Variants in EYS observed in about 807,000 individuals in gnomAD.
EYS encodes protein eyes shut homolog.
Under a neutral mutation model 282.1 loss-of-function variants are expected in EYS, and 250 were observed. The ratio of observed to expected loss-of-function variants is 0.89; its 90% CI spans 0.80 to 0.98. The LOEUF (loss-of-function observed/expected upper bound fraction) is 0.98. EYS is among the 50% of genes least tolerant of loss of function. The probability of loss-of-function intolerance (pLI) is 0.00; values close to 1 mark genes in which losing one functional copy is unlikely to be tolerated. For missense variants in EYS, 4,016 were observed against 3,709.0 expected, an observed-to-expected ratio of 1.08 and a Z score of -2.15; for synonymous variants, 1,355 against 1,282.9, an observed-to-expected ratio of 1.06 and a Z score of -1.20.
chr6:64,024,050 T>A (rs965144473), intron 33 of EYS, among the ~76,000 whole-genome samples: 1 of 152,120 alleles, frequency 6.6e-6, no homozygotes, highest in Non-Finnish European at 1.5e-5. Context: ...TGCCCGAGCC[T>A]CCCCGATGAG....
rs113663846 is a variant in EYS at position 64,743,472 on chromosome 6, A to AT, written c.3443+69905dup. Among the ~76,000 whole-genome samples the AT allele has an allele frequency of 2.6e-5, 4 of 152,030 alleles. No individual in the cohort carries two copies. The East Asian group carries it at 5.8e-4, about 22-fold the overall frequency. On this transcript the variant is annotated intron_variant, in intron 22 of 42. Coordinates refer to ENST00000503581, the MANE Select transcript of EYS (RefSeq NM_001142800.2). ...AATAATGATTTACTGTCAATTTTCA[A>AT]TTTTTTTTCTAATGGTAAAGAGCAT...
intron 2 of EYS, among the ~76,000 whole-genome samples, chr6:65,617,430 T>C (rs1213975038): frequency 6.6e-6 from 1 of 152,164 alleles, no homozygotes; most frequent in Non-Finnish European, 1.5e-5. Context: ...TGTTTAATGA[T>C]ACCTGAATTA....
chr6:64,325,214 A>C (rs1445927822), intron 29 of EYS, among the ~76,000 whole-genome samples: 1 of 152,202 alleles, frequency 6.6e-6, no homozygotes, highest in East Asian at 1.9e-4. Flanking sequence ...GCTGGTATCC[A>C]CAGCTGAGAG....
At chr6:65,204,990 TATATATTCTA>T (rs1765996624) in intron 12 of EYS, among the ~76,000 whole-genome samples, 3 of 112,706 alleles carry the variant, frequency 2.7e-5, no homozygotes, top group African/African-American at 1.1e-4. Flanking sequence ...AGAATATATT[TATATATTCTA>T]GAAGAATATA....
chr6:64,854,676 G>A (rs1357159907), intron 19 of EYS, among the ~76,000 whole-genome samples: 1 of 151,720 alleles, frequency 6.6e-6, no homozygotes, highest in Non-Finnish European at 1.5e-5. Context: ...ACACCAACAT[G>A]GCACATGTAT....
chr6:64,235,073 T>A (rs1318192718), intron 30 of EYS, among the ~76,000 whole-genome samples: 1 of 137,172 alleles, frequency 7.3e-6, no homozygotes, highest in African/African-American at 2.7e-5. Context: ...TTATTTTTTA[T>A]TTTTTTATTT....
intron 15 of EYS, among the ~76,000 whole-genome samples, chr6:64,914,955 T>A (rs1768114865): frequency 6.6e-6 from 1 of 152,280 alleles, no homozygotes; most frequent in South Asian, 2.1e-4. Flanking sequence ...AAGGGTATGT[T>A]ATTTACTTAA....
chr6:64,198,487 C>G (rs1765366400), intron 31 of EYS, among the ~76,000 whole-genome samples: 1 of 151,828 alleles, frequency 6.6e-6, no homozygotes, highest in Admixed American at 6.6e-5. Context: ...GCCCCCCACT[C>G]CCCAACAGGC....
intron 28 of EYS, among the ~76,000 whole-genome samples, chr6:64,392,940 G>C (rs1211948673): frequency 1.3e-5 from 2 of 151,990 alleles, no homozygotes; most frequent in African/African-American, 4.8e-5. Flanking sequence ...AAATGATAAA[G>C]GGGATATCAC....
chr6:65,698,061 G>A (rs1267883004), intron 1 of EYS, among the ~76,000 whole-genome samples: 3 of 151,966 alleles, frequency 2.0e-5, no homozygotes, highest in African/African-American at 7.2e-5. Flanking sequence ...AGGGTGGGAG[G>A]GAGACGGATA....
rs201498090 is a variant in EYS at position 64,372,130 on chromosome 6, G to GTTTTTTTTTTTTT, written c.6078+16547_6078+16559dup. Among the ~76,000 whole-genome samples, 88 of 97,692 alleles carry GTTTTTTTTTTTTT rather than the reference G, an allele frequency of 9.0e-4. 6 individuals carry two copies. The highest frequency in any genetic ancestry group is 3.0e-3 in the African/African-American group (64 of 21,224). The allele number at this position is 97,692 out of a possible 152,430, so 64.1% of individuals were successfully genotyped here. On this transcript the variant is annotated intron_variant, in intron 29 of 42. Coordinates refer to ENST00000503581, the MANE Select transcript of EYS (RefSeq NM_001142800.2). ...TAGCATCACTGGTCTGTATACTTGTGTTTTTTTTTTTTTTTTTTTTTTTTT... is the reference window on the plus strand; with the variant it reads ...TAGCATCACTGGTCTGTATACTTGTGTTTTTTTTTTTTTTTTTTTTTTTTTTTTTTTTTTTTTT...
intron 1 of EYS, among the ~76,000 whole-genome samples, chr6:65,694,450 G>T (rs1458769280): frequency 6.8e-6 from 1 of 147,892 alleles, no homozygotes; most frequent in East Asian, 2.3e-4. Context: ...ATTGTTAAAA[G>T]AAACTTCTTC....
intron 2 of EYS, among the ~76,000 whole-genome samples, chr6:65,579,754 A>G (rs570045019): frequency 2.6e-5 from 4 of 152,202 alleles, no homozygotes; most frequent in African/African-American, 7.2e-5. Context: ...TAAAAGCCCT[A>G]TCTCCAAATA....
intron 26 of EYS, among the ~76,000 whole-genome samples, chr6:64,453,364 C>T (rs973656673): frequency 1.3e-5 from 2 of 152,146 alleles, no homozygotes; most frequent in Admixed American, 1.3e-4. Flanking sequence ...AGAACAGGTG[C>T]TGGAGAGGAT....
chr6:65,662,150 A>G (rs1240645848), intron 1 of EYS, among the ~76,000 whole-genome samples: 1 of 152,178 alleles, frequency 6.6e-6, no homozygotes, highest in Admixed American at 6.5e-5. Flanking sequence ...GCAAAAGTAA[A>G]TAAATTATTT....
At chr6:65,663,928 G>C (rs1768108038) in intron 1 of EYS, among the ~76,000 whole-genome samples, 1 of 140,130 alleles carries the variant, frequency 7.1e-6, no homozygotes, top group Non-Finnish European at 1.5e-5. Context: ...CTGGAGTGTA[G>C]TGGCGCAATC....
intron 22 of EYS, among the ~76,000 whole-genome samples, chr6:64,773,445 G>A (rs1210885736): frequency 6.6e-6 from 1 of 151,766 alleles, no homozygotes; most frequent in African/African-American, 2.4e-5. Flanking sequence ...ATATACATGT[G>A]CATGTGTCTT....
intron 13 of EYS, among the ~76,000 whole-genome samples, chr6:65,029,260 G>T (rs953545421): frequency 6.6e-6 from 1 of 152,090 alleles, no homozygotes; most frequent in Non-Finnish European, 1.5e-5. Flanking sequence ...GGTGATCAGA[G>T]TGTTCTCTTA....
At chr6:64,294,109 C>A (rs545869739) in intron 30 of EYS, among the ~76,000 whole-genome samples, 2 of 104,226 alleles carry the variant, frequency 1.9e-5, no homozygotes, top group South Asian at 3.2e-4. Context: ...TTGTCATATA[C>A]ACAGATATAA....
Sources: gnomAD v4.1 joint callset for allele counts (sites outside exome capture counted in the v4.1 genomes callset) on GRCh38, gnomAD v4.1.1 for gene constraint, MANE v1.5 for transcripts, NCBI Gene and HGNC (gene_info 2026-07-23, HGNC 2026-07-21) for gene names.